Variants in LRBA observed in about 807,000 individuals in gnomAD.
The protein encoded by LRBA is LPS responsive beige-like anchor protein.
A neutral mutation model predicts 330.0 loss-of-function variants in LRBA; 176 were observed. That is an observed-to-expected ratio of 0.53 (90% CI 0.47 to 0.60). The LOEUF is 0.60. LRBA is among the 20% of genes least tolerant of loss of function. The probability of loss-of-function intolerance (pLI) is 0.00; values close to 1 mark genes in which losing one functional copy is unlikely to be tolerated. For missense variants in LRBA, 3,259 were observed against 3,444.8 expected (o/e 0.95, Z 1.35); for synonymous variants, 1,230 against 1,193.0 (o/e 1.03, Z -0.64).
chr4:150,590,937 G>C (rs1772749669), intron 38 of LRBA, 78 bp from the exon 39 acceptor site: 18 of 1,362,888 alleles, frequency 1.3e-5, no homozygotes, highest in Non-Finnish European at 1.7e-5. Flanking sequence ...CTTAGGTAAG[G>C]GTAGGTGGCC....
At chr4:150,607,457 CTATT>C (rs1774768811) in intron 37 of LRBA, among the ~76,000 whole-genome samples, 1 of 151,524 alleles carries the variant, frequency 6.6e-6, no homozygotes. Context: ...GATAAAGATG[CTATT>C]TAATTAAAAT....
At chr4:150,371,182 A>ATTTTTTTTTTTTTTTTTTTTT (rs70937395) in intron 47 of LRBA, among the ~76,000 whole-genome samples, 1 of 91,926 alleles carries the variant, frequency 1.1e-5, no homozygotes, top group African/African-American at 4.8e-5. Flanking sequence ...AAGCTACTAA[A>ATTTTTTTTTTTTTTTTTTTTT]TTTTTTTTTT....
chr4:150,491,137 T>C (rs1237032281), intron 40 of LRBA, 102 bp from the exon 41 acceptor site: 2 of 493,270 alleles, frequency 4.1e-6, no homozygotes, highest in East Asian at 6.4e-5. Flanking sequence ...AGAAAAATAA[T>C]TTTTAAGAAA....
chr4:150,684,494 A>G (rs1191383252), intron 36 of LRBA, among the ~76,000 whole-genome samples: 3 of 152,166 alleles, frequency 2.0e-5, no homozygotes, highest in Non-Finnish European at 4.4e-5. Context: ...ATTTATATAC[A>G]TCAAAGTCTG....
At chr4:150,285,279 T>C (rs1489117430) in intron 54 of LRBA, among the ~76,000 whole-genome samples, 1 of 152,214 alleles carries the variant, frequency 6.6e-6, no homozygotes, top group African/African-American at 2.4e-5. Context: ...GGATAGACTA[T>C]TATGATGGGA....
At chr4:150,874,722 TAG>T (rs1458463357) in intron 17 of LRBA, among the ~76,000 whole-genome samples, 1 of 151,984 alleles carries the variant, frequency 6.6e-6, no homozygotes, top group African/African-American at 2.4e-5. Context: ...CCACCCTTCG[TAG>T]ACACAGATCA....
In LRBA at chr4:150,871,394, A is replaced by C. The variant is rs1316513609; in HGVS notation, c.2318T>G (p.Met773Arg). 6.2e-7 allele frequency: 1 copy of C among 1,612,876 alleles called. No individual in the cohort carries two copies. The highest frequency in any genetic ancestry group is 1.7e-4 in the Middle Eastern group (1 of 6,060). The change falls in exon 19 of 57, where the codon ATG becomes AGG. Residue 773 changes from methionine to arginine, a missense_variant. Met to Arg is a moderately conservative substitution (Grantham distance 91). Coordinates refer to ENST00000651943, the MANE Select transcript of LRBA (RefSeq NM_001364905.1). ...GLFSLLAERL[M>R]LQTNLITMTT... ...CATTGTGATTAAATTTGTCTGAAGCATGAGCCTTTCAGCTAGCAATGAAAA... is the reference window on the plus strand; with the variant it reads ...CATTGTGATTAAATTTGTCTGAAGCCTGAGCCTTTCAGCTAGCAATGAAAA...
intron 37 of LRBA, among the ~76,000 whole-genome samples, chr4:150,670,714 TCTTTCTATGTGTGTACAC>T (rs1447773145): frequency 6.6e-6 from 1 of 152,228 alleles, no homozygotes; most frequent in African/African-American, 2.4e-5. Context: ...GTTTATATCA[TCTTTCTATGTGTGTACAC>T]ATAACAATAA....
At chr4:150,396,439 C>T (rs961161769) in intron 47 of LRBA, among the ~76,000 whole-genome samples, 1 of 150,990 alleles carries the variant, frequency 6.6e-6, no homozygotes, top group African/African-American at 2.4e-5. Flanking sequence ...GCTTCTCAGC[C>T]CCCATAATCA....
chr4:150,588,179 C>T lies in LRBA; in HGVS notation c.6199G>A (p.Val2067Ile), dbSNP rs774088516. The part of the protein sequence containing the change: ...EKDLENLAGP[V>I]SLSTPAQLVA... ...AGCTGAGCTGGTGTGCTCAGGCTAA[C>T]AGGACCTGCCAAAAGGAAAAGACAA... Residue 2067 changes from valine (V) to isoleucine (I), a missense_variant, in exon 40 of 57, where the codon GTT becomes ATT. Transcript: ENST00000651943. The T allele has an allele frequency of 2.5e-6, 4 of 1,579,212 alleles. No individual in the cohort carries two copies. Among genetic ancestry groups the T allele is most frequent in the Non-Finnish European group, 3.4e-6 (4 of 1,168,884 alleles).
intron 2 of LRBA, among the ~76,000 whole-genome samples, chr4:151,011,978 A>G (rs866378677): frequency 1.2e-4 from 19 of 152,198 alleles, no homozygotes; most frequent in Middle Eastern, 6.8e-3. Flanking sequence ...GCTGCTTCCA[A>G]AGATTTTCTA....
intron 46 of LRBA, chr4:150,422,561 G>A (rs1004162473): frequency 3.9e-5 from 20 of 508,240 alleles, no homozygotes; most frequent in East Asian, 1.5e-4. Flanking sequence ...TCTGCACCCC[G>A]TCCCTGACCA....
In LRBA at chr4:150,410,558, C is replaced by A. The variant is rs191372679; in HGVS notation, c.7194+4880G>T. Among the ~76,000 whole-genome samples, 1,462 of 148,862 alleles carry A rather than the reference C, an allele frequency of 9.8e-3. 14 individuals are homozygous for A. The highest frequency in any genetic ancestry group is 0.015 in the Non-Finnish European group (961 of 65,672). On this transcript the variant is annotated intron_variant, in intron 47 of 56. Coordinates refer to ENST00000651943, the MANE Select transcript of LRBA (RefSeq NM_001364905.1). Reference sequence around the variant, plus strand: ...AAGTAAATGTGATTTTAACTGGTAACCTTAGGACAATTCAACAAGAGAACG... The same window carrying A: ...AAGTAAATGTGATTTTAACTGGTAAACTTAGGACAATTCAACAAGAGAACG...
chr4:150,554,801 A>G (rs1767081326), intron 40 of LRBA, among the ~76,000 whole-genome samples: 1 of 152,172 alleles, frequency 6.6e-6, no homozygotes, highest in Admixed American at 6.5e-5. Context: ...TATCTTTAGT[A>G]TAAGGTATTA....
intron 44 of LRBA, among the ~76,000 whole-genome samples, chr4:150,461,802 T>C (rs1754812326): frequency 6.6e-6 from 1 of 151,768 alleles, no homozygotes; most frequent in African/African-American, 2.4e-5. Flanking sequence ...CAGATTACTA[T>C]ACAAATACAT....
At chr4:150,708,230 A>T (rs1785829291) in intron 36 of LRBA, among the ~76,000 whole-genome samples, 1 of 151,830 alleles carries the variant, frequency 6.6e-6, no homozygotes, top group Admixed American at 6.6e-5. Context: ...TGCTACAATA[A>T]CTTACTCTCC....
intron 47 of LRBA, among the ~76,000 whole-genome samples, chr4:150,378,879 A>G (rs1449435789): frequency 6.6e-6 from 1 of 152,204 alleles, no homozygotes; most frequent in Non-Finnish European, 1.5e-5. Flanking sequence ...TCAGAATATA[A>G]ATTCACTAAA....
intron 40 of LRBA, among the ~76,000 whole-genome samples, chr4:150,553,409 G>T (rs966925726): frequency 6.6e-6 from 1 of 151,634 alleles, no homozygotes. Flanking sequence ...TGGCACATGT[G>T]TACATATGTA....
chr4:150,837,206 T>G (rs1472829194), intron 28 of LRBA, among the ~76,000 whole-genome samples: 1 of 152,214 alleles, frequency 6.6e-6, no homozygotes, highest in Non-Finnish European at 1.5e-5. Flanking sequence ...AGGAGTGCTT[T>G]ACTTCCAACT....
Sources: allele counts gnomAD v4.1 joint callset (sites outside exome capture counted in the v4.1 genomes callset), GRCh38; gene constraint gnomAD v4.1.1; transcripts MANE v1.5; gene names NCBI Gene and HGNC (gene_info 2026-07-23, HGNC 2026-07-21).